TRAP1: variants seen among roughly 807,000 people sequenced by gnomAD.
The protein encoded by TRAP1 is heat shock protein 75 kDa, mitochondrial.
TRAP1 carries 102 observed loss-of-function variants against 89.1 expected under a neutral mutation model. The observed-to-expected ratio is 1.15, with a 90% CI of 0.98 to 1.35. The LOEUF is 1.35. TRAP1 is among the 40% of genes most tolerant of loss of function. TRAP1 has a pLI of 0.00. For synonymous variants in TRAP1, 508 were observed against 388.0 expected (o/e 1.31, Z -3.64); for missense variants, 1,256 against 945.3 (o/e 1.33, Z -4.31).
chr16:3,679,326 CA>C (rs2051043173), intron 5 of TRAP1, among the ~76,000 whole-genome samples: 1 of 151,968 alleles, frequency 6.6e-6, no homozygotes, highest in Non-Finnish European at 1.5e-5. Context: ...AAATAAAAAA[CA>C]ACACAATGAT....
rs1376041405 is a variant in TRAP1 at position 3,664,336 on chromosome 16, G to A, written c.1507C>T (p.Pro503Ser). 2.5e-6 allele frequency: 4 copies of A among 1,612,914 alleles called. No homozygotes were observed. Among genetic ancestry groups the A allele is most frequent in the Non-Finnish European group, 3.4e-6 (4 of 1,179,632 alleles). The change falls in exon 13 of 18, where the codon CCC (proline) becomes TCC (serine). Residue 503 changes from proline to serine, a missense_variant. Physicochemically the swap from Pro to Ser is moderately conservative, Grantham distance 74. Coordinates refer to ENST00000246957, the MANE Select transcript of TRAP1 (RefSeq NM_016292.3). The part of the protein sequence containing the change: ...GTRNIYYLCA[P>S]NRHLAEHSPY... Reference sequence around the variant, plus strand: ...GAGTGCTCTGCCAGGTGACGGTTGGGGGCGCACAGGTAGTAGATGTTGCGG... The same window carrying A: ...GAGTGCTCTGCCAGGTGACGGTTGGAGGCGCACAGGTAGTAGATGTTGCGG...
At chr16:3,672,593 C>T in intron 10 of TRAP1, 107 bp downstream of exon 10, 1 of 1,444,792 alleles carries the variant, frequency 6.9e-7, no homozygotes, top group Non-Finnish European at 9.1e-7. Flanking sequence ...GACGGCGGTG[C>T]TCTCGCTGCA....
chr16:3,658,143 G>A lies in TRAP1; in HGVS notation c.2101C>T (p.Leu701=). ...CCCCCTGGCTGTCAGTGTCGCTCCA[G>A]GGCCTTGACAAGCAGCTCATTCAAG... is the stretch of plus-strand genomic sequence containing the variant. ...GRLNELLVKA[L]ERH is the part of the protein sequence containing the mutation. The change falls in exon 18 of 18, where the codon CTG becomes TTG. Residue 701 remains leucine (L), a synonymous_variant. Transcript: ENST00000246957. 1.9e-6 allele frequency: 3 copies of A among 1,614,082 alleles called. No homozygotes were observed. Among genetic ancestry groups the A allele is most frequent in the Non-Finnish European group, 1.7e-6 (2 of 1,179,998 alleles).
chr16:3,706,520 C>T (rs116870791), intron 1 of TRAP1, among the ~76,000 whole-genome samples: 2,235 of 143,200 alleles, frequency 0.016, 22 homozygotes, highest in Admixed American at 0.024. Flanking sequence ...AGTGCAGTGG[C>T]ACAATCACAG....
At chr16:3,670,607 G>A (rs1160921214) in intron 11 of TRAP1, among the ~76,000 whole-genome samples, 1 of 152,118 alleles carries the variant, frequency 6.6e-6, no homozygotes, top group African/African-American at 2.4e-5. Context: ...GGGAGGCTGA[G>A]GTGGAAGGAT....
intron 4 of TRAP1, among the ~76,000 whole-genome samples, chr16:3,683,891 C>G: frequency 6.6e-6 from 1 of 151,834 alleles, no homozygotes; most frequent in Admixed American, 6.6e-5. Flanking sequence ...TGAGACTAGG[C>G]GCGGTGGCTC....
At chr16:3,666,238 C>A in intron 11 of TRAP1, 120 bp from the exon 12 acceptor site, 1 of 1,249,080 alleles carries the variant, frequency 8.0e-7, no homozygotes, top group East Asian at 2.5e-5. Flanking sequence ...AACAAGGTAC[C>A]GTTATTGGCC....
At chr16:3,664,050 A>C in intron 13 of TRAP1, 1 of 506,176 alleles carries the variant, frequency 2.0e-6, no homozygotes, top group Non-Finnish European at 3.4e-6. Flanking sequence ...GCGAGAGAGC[A>C]AGACTCCATC....
chr16:3,677,703 A>T (rs768168859), intron 5 of TRAP1, 45 bp from the exon 6 acceptor site: 7 of 1,593,822 alleles, frequency 4.4e-6, no homozygotes, highest in Middle Eastern at 3.4e-4. Context: ...CCCTCCAGAG[A>T]GCAGACACTC....
chr16:3,702,127 G>A (rs966433110), intron 1 of TRAP1, among the ~76,000 whole-genome samples: 3 of 149,466 alleles, frequency 2.0e-5, no homozygotes, highest in Non-Finnish European at 2.9e-5. Context: ...CATCTCGGGC[G>A]GGGGAAAATA....
chr16:3,697,006 G>GT (rs1415142664), intron 1 of TRAP1, among the ~76,000 whole-genome samples: 1 of 152,124 alleles, frequency 6.6e-6, no homozygotes, highest in African/African-American at 2.4e-5. Context: ...GATTAGAGCC[G>GT]TAAGACACCA....
At chr16:3,665,521 G>A (rs1032196355) in intron 12 of TRAP1, 1 of 160,542 alleles carries the variant, frequency 6.2e-6, no homozygotes, top group Non-Finnish European at 1.4e-5. Context: ...CTGAACGACT[G>A]GCCCCTGTAG....
intron 1 of TRAP1, among the ~76,000 whole-genome samples, chr16:3,705,766 G>C (rs2051434148): frequency 6.6e-6 from 1 of 151,930 alleles, no homozygotes; most frequent in Non-Finnish European, 1.5e-5. Flanking sequence ...TGCAACCTCT[G>C]CCTCCCGGGT....
chr16:3,672,846 A>G (rs1414891546), intron 9 of TRAP1, 26 bp from the exon 10 acceptor site: 40 of 1,605,234 alleles, frequency 2.5e-5, no homozygotes, highest in Non-Finnish European at 3.4e-5. Flanking sequence ...ACACGCCATC[A>G]TGCAGCACTG....
intron 16 of TRAP1, chr16:3,660,395 G>C (rs989749181): frequency 6.6e-6 from 1 of 152,272 alleles, no homozygotes; most frequent in South Asian, 2.1e-4. Context: ...CCACCACTTT[G>C]GGAGGCCAAG....
intron 11 of TRAP1, among the ~76,000 whole-genome samples, chr16:3,669,008 C>T (rs980605245): frequency 1.3e-5 from 2 of 152,222 alleles, no homozygotes; most frequent in East Asian, 1.9e-4. Flanking sequence ...TGAGGCCAGA[C>T]GTGTCCTCAG....
chr16:3,684,207 C>T (rs574144263), intron 4 of TRAP1, among the ~76,000 whole-genome samples: 2 of 152,046 alleles, frequency 1.3e-5, no homozygotes, highest in Non-Finnish European at 2.9e-5. Context: ...GGGTTTACAA[C>T]AGGTATATAC....
Position 3,676,070 on chromosome 16 carries a change from G to A in TRAP1, c.780C>T (p.Asp260=). 1 of 1,614,010 alleles carries A rather than the reference G, an allele frequency of 6.2e-7. No homozygotes were observed. The highest frequency in any genetic ancestry group is 8.5e-7 in the Non-Finnish European group (1 of 1,179,968). Residue 260 remains aspartate, a synonymous_variant, in exon 7 of 18, where the codon GAC becomes GAT. Coordinates refer to ENST00000246957, the MANE Select transcript of TRAP1 (RefSeq NM_016292.3). ...GGGCCTCGCTGGAAAACTCCTTGCA[G>A]TCGGATTTCAGGTGGATGATGATTT... ...GTKIIIHLKS[D]CKEFSSEARV... is the part of the protein sequence containing the mutation.
intron 1 of TRAP1, among the ~76,000 whole-genome samples, chr16:3,695,254 A>G (rs1327615769): frequency 6.6e-6 from 1 of 152,220 alleles, no homozygotes; most frequent in Non-Finnish European, 1.5e-5. Flanking sequence ...GCATATGTAC[A>G]GAGAATGCAA....
Sources: gnomAD v4.1 joint callset for allele counts (sites outside exome capture counted in the v4.1 genomes callset) on GRCh38, gnomAD v4.1.1 for gene constraint, MANE v1.5 for transcripts, NCBI Gene and HGNC (gene_info 2026-07-23, HGNC 2026-07-21) for gene names.